ASB9: variants seen among roughly 807,000 people sequenced by gnomAD.
ASB9 encodes ankyrin repeat and SOCS box containing 9.
ASB9 carries 5 observed loss-of-function variants against 16.6 expected under a neutral mutation model. The observed-to-expected ratio is 0.30, with a 90% CI of 0.16 to 0.63. The LOEUF (loss-of-function observed/expected upper bound fraction) is 0.63. Ranked by LOEUF, ASB9 falls within the 30% of genes least tolerant of loss-of-function variation. ASB9 has a pLI of 0.82. For synonymous variants in ASB9, 100 were observed against 86.4 expected (o/e 1.16, Z -0.87); for missense variants, 216 against 229.4 (o/e 0.94, Z 0.38).
rs781111448 is a variant in ASB9 at position 15,258,948 on chromosome X, G to A, written c.95-3C>T. 25 of 1,195,913 alleles carry A rather than the reference G, an allele frequency of 2.1e-5. No individual in the cohort carries two copies. The African/African-American group carries it at 3.5e-4, about 17-fold the overall frequency. On this transcript the variant is annotated splice_polypyrimidine_tract_variant and splice_region_variant and intron_variant, in intron 1 of 6. Coordinates refer to ENST00000380488, the MANE Select transcript of ASB9 (RefSeq NM_001031739.3). ...AGGAGACCAATCAGACACAGCATCT[G>A]TATGGAAAGAGGGGAATGGGTTATA...
exon 1 of ASB9, chrX:15,270,081 TACACACACACACACACAC>T: frequency 3.4e-6 from 1 of 296,674 alleles, no homozygotes; most frequent in Non-Finnish European, 5.7e-6. Flanking sequence ...TGCGCTCGTG[TACACACACACACACACAC>T]ACACACACAC....
chrX:15,245,597 C>G (rs5978720), intron 6 of ASB9, among the ~76,000 whole-genome samples: 2,195 of 111,612 alleles, frequency 0.02, 28 homozygotes, highest in African/African-American at 0.049. Context: ...CCAGGTAGCA[C>G]TTCAGACTCA....
Position 15,244,218 on chromosome X carries a change from A to G in ASB9, c.*288T>C. 4.2e-6 allele frequency: 1 copy of G among 240,025 alleles called. No individual in the cohort carries two copies. Among genetic ancestry groups the G allele is most frequent in the Non-Finnish European group, 7.4e-6 (1 of 135,475 alleles). The allele number at this position is 240,025 out of a possible 1,213,427, so 19.8% of individuals were successfully genotyped here. On this transcript the variant is annotated 3_prime_UTR_variant, in exon 7 of 7. Coordinates refer to ENST00000380488, the MANE Select transcript of ASB9 (RefSeq NM_001031739.3). ...GCAGAAAGTGCTTGGCATGCAGTAG[A>G]TATGCAAAACAATAACTTATGACAC...
At chrX:15,267,417 A>AGAATATATATTAAAAAAAAAAAAATAC (rs1555934601) in intron 1 of ASB9, among the ~76,000 whole-genome samples, 1 of 78,029 alleles carries the variant, frequency 1.3e-5, no homozygotes, top group African/African-American at 5.2e-5. Flanking sequence ...CTAAAAAAAA[A>AGAATATATATTAAAAAAAAAAAAATAC]ATATATATAT....
At chrX:15,257,895 T>C (rs928075968) in intron 2 of ASB9, among the ~76,000 whole-genome samples, 7 of 111,718 alleles carry the variant, frequency 6.3e-5, no homozygotes, top group African/African-American at 2.3e-4. Flanking sequence ...TGGTGGGGCT[T>C]GTCCTGCTGT....
intron 2 of ASB9, among the ~76,000 whole-genome samples, chrX:15,256,095 A>G (rs1925511862): frequency 9.0e-6 from 1 of 111,112 alleles, no homozygotes; most frequent in Non-Finnish European, 1.9e-5. Context: ...GTAGCTAGGA[A>G]TGGTTTCTAC....
chrX:15,269,442 G>T (rs1331112896), intron 1 of ASB9, among the ~76,000 whole-genome samples: 1 of 111,831 alleles, frequency 8.9e-6, no homozygotes. Flanking sequence ...AAATTAAAAA[G>T]TTTTAGCATT....
chrX:15,247,996 A>G (rs1924806002), intron 6 of ASB9, among the ~76,000 whole-genome samples: 1 of 112,332 alleles, frequency 8.9e-6, no homozygotes, highest in Admixed American at 9.4e-5. Flanking sequence ...TCTGGTAGGA[A>G]GGCCTGCTTC....
At chrX:15,250,378 T>C in intron 5 of ASB9, 52 bp downstream of exon 5, 4 of 1,165,992 alleles carry the variant, frequency 3.4e-6, no homozygotes, top group Non-Finnish European at 4.6e-6. Flanking sequence ...TTAAAATACA[T>C]TTAATTTACT....
At chrX:15,250,114 T>C (rs1016876426) in intron 5 of ASB9, among the ~76,000 whole-genome samples, 32 of 111,572 alleles carry the variant, frequency 2.9e-4, no homozygotes, top group African/African-American at 1.0e-3. Flanking sequence ...GGCTTAATAA[T>C]GTGACTGGCC....
intron 1 of ASB9, among the ~76,000 whole-genome samples, chrX:15,261,668 A>AT (rs1925975665): frequency 1.8e-5 from 2 of 111,589 alleles, no homozygotes; most frequent in Non-Finnish European, 3.8e-5. Flanking sequence ...TGCAGAATGT[A>AT]GTGTTTACAG....
At chrX:15,252,675 G>A (rs976511810) in intron 3 of ASB9, among the ~76,000 whole-genome samples, 2 of 111,836 alleles carry the variant, frequency 1.8e-5, no homozygotes, top group Admixed American at 9.5e-5. Flanking sequence ...AATTTCAATC[G>A]CTTACAAACT....
chrX:15,252,430 G>C, intron 3 of ASB9, 26 bp from the exon 4 acceptor site: 1 of 1,176,190 alleles, frequency 8.5e-7, no homozygotes, highest in Non-Finnish European at 1.1e-6. Flanking sequence ...CCAGAATGAA[G>C]ACAGGAAGGG....
rs183023319 is a variant in ASB9, at chrX:15,250,187, G to A, written c.568+243C>T. ...TAATCATTGAGGACCACCCTGAGAA[G>A]AGGCATCATCATCATCATCATCCTC... On this transcript the variant is annotated intron_variant, in intron 5 of 6. Coordinates refer to ENST00000380488, the MANE Select transcript of ASB9 (RefSeq NM_001031739.3). Among the ~76,000 whole-genome samples the A allele has an allele frequency of 1.9e-3, 187 of 100,260 alleles. 1 individual carries two copies. The highest frequency in any genetic ancestry group is 7.7e-3 in the African/African-American group (181 of 23,596). 87.1% of individuals were successfully genotyped at this position (100,260 alleles called of 115,157 possible). A position where few individuals can be genotyped will look rare whatever the true frequency, so the allele number is the denominator to read the frequency against.
At chrX:15,263,537 T>C (rs1041272733) in intron 1 of ASB9, among the ~76,000 whole-genome samples, 8 of 109,116 alleles carry the variant, frequency 7.3e-5, no homozygotes, top group African/African-American at 2.7e-4. Context: ...GCCTCTCCTC[T>C]CCTCTTTCTT....
At chrX:15,268,254 C>A (rs1926695776) in intron 1 of ASB9, among the ~76,000 whole-genome samples, 1 of 105,534 alleles carries the variant, frequency 9.5e-6, no homozygotes, top group Non-Finnish European at 1.9e-5. Context: ...ATCTCTTGAA[C>A]CCGGGAGGCA....
intron 3 of ASB9, among the ~76,000 whole-genome samples, chrX:15,254,024 G>A (rs967517202): frequency 1.8e-5 from 2 of 111,503 alleles, no homozygotes; most frequent in African/African-American, 3.3e-5. Flanking sequence ...ACCTTGACAC[G>A]TTCCCTGTTT....
intron 1 of ASB9, among the ~76,000 whole-genome samples, chrX:15,268,779 A>G (rs1353328826): frequency 9.6e-6 from 1 of 104,553 alleles, no homozygotes; most frequent in Non-Finnish European, 2.0e-5. Flanking sequence ...GCGCCACTGC[A>G]CTCCAGCCTG....
intron 6 of ASB9, among the ~76,000 whole-genome samples, chrX:15,246,028 A>C (rs1277309164): frequency 8.9e-6 from 1 of 111,982 alleles, no homozygotes; most frequent in Non-Finnish European, 1.9e-5. Flanking sequence ...ATTAACGAGC[A>C]GCAAAAAGCA....
Sources: allele counts gnomAD v4.1 joint callset (sites outside exome capture counted in the v4.1 genomes callset), GRCh38; gene constraint gnomAD v4.1.1; transcripts MANE v1.5; gene names NCBI Gene and HGNC (gene_info 2026-07-23, HGNC 2026-07-21).